The following RALYL variants were observed in gnomAD, a reference collection of about 807,000 sequenced individuals.
RALYL encodes the protein RNA-binding Raly-like protein.
RALYL carries 29 observed loss-of-function variants against 35.1 expected under a neutral mutation model. The ratio of observed to expected loss-of-function variants is 0.83; its 90% CI spans 0.61 to 1.13. The LOEUF (loss-of-function observed/expected upper bound fraction) is 1.13, where lower values mean the gene tolerates loss of function less well. Ranked by LOEUF, RALYL falls within the 50% of genes most tolerant of loss-of-function variation. The pLI is 0.00. For synonymous variants in RALYL, 120 were observed against 127.6 expected (o/e 0.94, Z 0.40); for missense variants, 359 against 360.4 (o/e 1.00, Z 0.03).
chr8:84,460,210 T>C (rs1009308779), intron 1 of RALYL, among the ~76,000 whole-genome samples: 1 of 151,718 alleles, frequency 6.6e-6, no homozygotes, highest in Non-Finnish European at 1.5e-5. Context: ...AGGGTTTAAA[T>C]AAATTATGGA....
chr8:84,876,030 C>CT (rs375599056), intron 7 of RALYL, among the ~76,000 whole-genome samples: 17 of 151,796 alleles, frequency 1.1e-4, no homozygotes, highest in South Asian at 2.1e-4. Context: ...TCCATAGTAT[C>CT]TTTTTTTTGG....
intron 3 of RALYL, among the ~76,000 whole-genome samples, chr8:84,782,644 C>A (rs1818452896): frequency 6.6e-6 from 1 of 152,222 alleles, no homozygotes; most frequent in African/African-American, 2.4e-5. Context: ...ACATTATGAT[C>A]TTTTATGCTA....
At chr8:84,446,350 T>C (rs2048855027) in intron 1 of RALYL, among the ~76,000 whole-genome samples, 1 of 151,412 alleles carries the variant, frequency 6.6e-6, no homozygotes, top group African/African-American at 2.4e-5. Context: ...TAAATGTGAT[T>C]GTGTTTGTGT....
At chr8:84,319,098 C>T (rs1025650245) in intron 1 of RALYL, among the ~76,000 whole-genome samples, 1 of 152,064 alleles carries the variant, frequency 6.6e-6, no homozygotes, top group Non-Finnish European at 1.5e-5. Flanking sequence ...ATATGGCTTA[C>T]CCATGTGACT....
In RALYL at chr8:84,555,194, G is replaced by A. The variant is rs7015933; in HGVS notation, c.256+25617G>A. Among the ~76,000 whole-genome samples, 753 of 152,220 alleles carry A rather than the reference G, an allele frequency of 4.9e-3. 7 individuals carry two copies. The highest frequency in any genetic ancestry group is 0.017 in the African/African-American group (725 of 41,534). On this transcript the variant is annotated intron_variant, in intron 2 of 8. Coordinates refer to ENST00000521268, the MANE Select transcript of RALYL (RefSeq NM_173848.7). ...CTCAGGAGGCTGAGGCAGGAGAATCGCTTGAACCCGGGAGGCAGAGGTTGC... is the reference window on the plus strand; with the variant it reads ...CTCAGGAGGCTGAGGCAGGAGAATCACTTGAACCCGGGAGGCAGAGGTTGC...
chr8:84,621,348 C>G (rs28446816), intron 2 of RALYL, among the ~76,000 whole-genome samples: 43,792 of 152,062 alleles, frequency 0.29, 7,020 homozygotes, highest in African/African-American at 0.42. Flanking sequence ...GGGTGGGAGC[C>G]ACCCAATTTT....
chr8:84,907,714 T>C (rs1249136976), intron 8 of RALYL, among the ~76,000 whole-genome samples: 1 of 152,114 alleles, frequency 6.6e-6, no homozygotes, highest in Non-Finnish European at 1.5e-5. Context: ...AGTGGTACTA[T>C]TTTTTACTTA....
At chr8:84,739,984 A>C (rs1031266491) in intron 2 of RALYL, among the ~76,000 whole-genome samples, 1 of 151,970 alleles carries the variant, frequency 6.6e-6, no homozygotes, top group African/African-American at 2.4e-5. Context: ...TAGCAATAAC[A>C]AAGAATTATA....
chr8:84,213,398 CA>C (rs1237392272), intron 1 of RALYL, among the ~76,000 whole-genome samples: 2 of 151,758 alleles, frequency 1.3e-5, no homozygotes, highest in Non-Finnish European at 2.9e-5. Context: ...TCCATCTCAA[CA>C]ACAACAAATA....
chr8:84,461,878 C>A (rs1442118712), intron 1 of RALYL, among the ~76,000 whole-genome samples: 2 of 151,464 alleles, frequency 1.3e-5, no homozygotes, highest in Non-Finnish European at 3.0e-5. Context: ...ACATTTGTTG[C>A]AATTGATGAG....
chr8:84,754,689 T>A (rs1047534805), intron 2 of RALYL, among the ~76,000 whole-genome samples: 1 of 150,460 alleles, frequency 6.6e-6, no homozygotes, highest in Non-Finnish European at 1.5e-5. Flanking sequence ...AACTATTGCA[T>A]GCTCTCAAAA....
chr8:84,795,502 G>T (rs1289450794), intron 3 of RALYL, among the ~76,000 whole-genome samples: 1 of 152,062 alleles, frequency 6.6e-6, no homozygotes, highest in Non-Finnish European at 1.5e-5. Flanking sequence ...CTAAATATTG[G>T]CTGTCATACA....
chr8:84,436,578 T>TTA (rs928345738), intron 1 of RALYL, among the ~76,000 whole-genome samples: 2 of 127,194 alleles, frequency 1.6e-5, no homozygotes, highest in Non-Finnish European at 3.3e-5. Flanking sequence ...TTTTGAAGTT[T>TTA]TAAGCTACTT....
In RALYL at chr8:84,348,683, G is replaced by T. The variant is rs564898889; in HGVS notation, c.-24+164259G>T. Among the ~76,000 whole-genome samples the T allele has an allele frequency of 8.5e-5, 13 of 152,076 alleles. No homozygotes were observed. The East Asian group carries it at 2.5e-3, about 30-fold the overall frequency. On this transcript the variant is annotated intron_variant, in intron 1 of 8. Coordinates refer to ENST00000521268, the MANE Select transcript of RALYL (RefSeq NM_173848.7). ...CCATATTCCAGCAGTTTCTCAAAAG[G>T]TATTCAATTTAAAAATTTAATCCAA...
intron 2 of RALYL, among the ~76,000 whole-genome samples, chr8:84,617,807 T>C (rs1820174577): frequency 1.3e-5 from 2 of 151,682 alleles, no homozygotes. Context: ...CATGAAGCGT[T>C]GTTGAATTTT....
intron 1 of RALYL, among the ~76,000 whole-genome samples, chr8:84,207,820 G>GTGTA (rs371410483): frequency 2.7e-4 from 40 of 146,112 alleles, no homozygotes; most frequent in African/African-American, 9.0e-4. Context: ...GTGTGTGTGT[G>GTGTA]TATATATATA....
intron 8 of RALYL, among the ~76,000 whole-genome samples, chr8:84,919,583 A>T (rs1382414388): frequency 6.6e-6 from 1 of 152,070 alleles, no homozygotes; most frequent in Non-Finnish European, 1.5e-5. Flanking sequence ...ATTCATATAT[A>T]TGTGATCAGT....
At chr8:84,915,973 A>G (rs968383007) in intron 8 of RALYL, among the ~76,000 whole-genome samples, 6 of 152,176 alleles carry the variant, frequency 3.9e-5, no homozygotes, top group African/African-American at 1.4e-4. Context: ...AGAAATGGAA[A>G]GATAAAAAGG....
At chr8:84,671,735 G>T (rs563847809) in intron 2 of RALYL, among the ~76,000 whole-genome samples, 4 of 152,310 alleles carry the variant, frequency 2.6e-5, no homozygotes, top group African/African-American at 9.6e-5. Flanking sequence ...CAGCAGTGGG[G>T]GCCTGGGCCC....
Sources: gnomAD v4.1 joint callset for allele counts (sites outside exome capture counted in the v4.1 genomes callset) on GRCh38, gnomAD v4.1.1 for gene constraint, MANE v1.5 for transcripts, NCBI Gene and HGNC (gene_info 2026-07-23, HGNC 2026-07-21) for gene names.